Variants in IQCM observed in about 807,000 individuals in gnomAD.
The protein encoded by IQCM is IQ motif containing M, also known as IQ domain-containing protein M.
Under a neutral mutation model 57.6 loss-of-function variants are expected in IQCM, and 45 were observed. The ratio of observed to expected loss-of-function variants is 0.78; its 90% confidence interval spans 0.62 to 1.00. The LOEUF is 1.00. IQCM is among the 50% of genes least tolerant of loss of function. The pLI is 0.00. For synonymous variants in IQCM, 148 were observed against 158.9 expected (o/e 0.93, Z 0.51); for missense variants, 468 against 511.6 (o/e 0.91, Z 0.82).
intron 12 of IQCM, among the ~76,000 whole-genome samples, chr4:149,495,760 G>C (rs531042394): frequency 6.6e-6 from 1 of 152,140 alleles, no homozygotes; most frequent in South Asian, 2.1e-4. Context: ...GTAAGATAAA[G>C]GTAACTCAGT....
At chr4:149,762,927 C>T (rs1025366149) in intron 2 of IQCM, among the ~76,000 whole-genome samples, 2 of 151,898 alleles carry the variant, frequency 1.3e-5, no homozygotes, top group Non-Finnish European at 2.9e-5. Context: ...AATTTAAATA[C>T]ATATTTACAT....
intron 2 of IQCM, among the ~76,000 whole-genome samples, chr4:149,788,743 C>G (rs1213135847): frequency 1.3e-5 from 2 of 152,136 alleles, no homozygotes; most frequent in African/African-American, 4.8e-5. Flanking sequence ...AAGAATCAAC[C>G]TAAGTGTCCA....
intron 8 of IQCM, among the ~76,000 whole-genome samples, chr4:149,616,246 C>A (rs1755779902): frequency 6.6e-6 from 1 of 152,082 alleles, no homozygotes; most frequent in Non-Finnish European, 1.5e-5. Flanking sequence ...TATATACATA[C>A]AATGGAATAT....
chr4:149,771,732 C>T (rs1353672763), intron 2 of IQCM, among the ~76,000 whole-genome samples: 1 of 152,044 alleles, frequency 6.6e-6, no homozygotes, highest in Non-Finnish European at 1.5e-5. Flanking sequence ...TGTGTCTTTA[C>T]ATTCATTCAT....
chr4:149,502,719 A>C (rs1489055423), intron 12 of IQCM, among the ~76,000 whole-genome samples: 1 of 151,978 alleles, frequency 6.6e-6, no homozygotes, highest in Non-Finnish European at 1.5e-5. Flanking sequence ...AAACAAATAA[A>C]ATAGAGAGAG....
chr4:149,774,218 A>T (rs1431808408), intron 2 of IQCM, among the ~76,000 whole-genome samples: 1 of 152,174 alleles, frequency 6.6e-6, no homozygotes, highest in Admixed American at 6.5e-5. Context: ...TGGTAAAAAA[A>T]CACATAACAT....
intron 10 of IQCM, among the ~76,000 whole-genome samples, chr4:149,553,725 T>G (rs1749261688): frequency 1.3e-5 from 2 of 152,210 alleles, no homozygotes; most frequent in African/African-American, 4.8e-5. Context: ...CTTTACCTAT[T>G]TTTCCCTGGG....
At chr4:149,693,021 A>G (rs1476421557) in intron 5 of IQCM, among the ~76,000 whole-genome samples, 1 of 152,138 alleles carries the variant, frequency 6.6e-6, no homozygotes, top group Non-Finnish European at 1.5e-5. Flanking sequence ...AAAGAAAAAC[A>G]ACAACAAAAA....
intron 12 of IQCM, among the ~76,000 whole-genome samples, chr4:149,486,051 C>CTCTA (rs1283551168): frequency 2.7e-5 from 4 of 146,128 alleles, no homozygotes; most frequent in Non-Finnish European, 5.9e-5. Flanking sequence ...CTCTCTCTCT[C>CTCTA]TCTCTCTCTC....
At chr4:149,805,994 T>C (rs181520305) in intron 2 of IQCM, among the ~76,000 whole-genome samples, 1 of 152,000 alleles carries the variant, frequency 6.6e-6, no homozygotes, top group Admixed American at 6.6e-5. Flanking sequence ...TAATAAAGCT[T>C]GGAGAAATAT....
At chr4:149,531,773 G>A (rs2149853594) in intron 12 of IQCM, among the ~76,000 whole-genome samples, 1 of 152,050 alleles carries the variant, frequency 6.6e-6, no homozygotes. Flanking sequence ...CTGCATACTA[G>A]TTACCATTCT....
chr4:149,613,439 C>A (rs529314541), intron 8 of IQCM, among the ~76,000 whole-genome samples: 6 of 152,050 alleles, frequency 3.9e-5, no homozygotes, highest in African/African-American at 1.4e-4. Context: ...TTCATTTTTA[C>A]CAAAATGATT....
At chr4:149,641,769 G>A (rs953378752) in intron 7 of IQCM, among the ~76,000 whole-genome samples, 6 of 151,942 alleles carry the variant, frequency 3.9e-5, no homozygotes, top group Admixed American at 6.6e-5. Flanking sequence ...AGCTTACAAC[G>A]TGTTATATAG....
In IQCM at chr4:149,593,785, C is replaced by G. The variant is rs931763902; in HGVS notation, c.682-5788G>C. On this transcript the variant is annotated intron_variant, in intron 8 of 13. Coordinates refer to ENST00000636793, the MANE Select transcript of IQCM (RefSeq NM_001363507.2). ...TATTGACTTGCATATGTTGAACCAG[C>G]CTTGCATCCCAAGGATGAAGCCCAG... is the stretch of plus-strand genomic sequence containing the variant. Among the ~76,000 whole-genome samples the G allele has an allele frequency of 4.6e-5, 7 of 152,240 alleles. No homozygotes were observed. The South Asian group carries it at 6.2e-4, about 14-fold the overall frequency.
intron 2 of IQCM, among the ~76,000 whole-genome samples, chr4:149,766,252 T>C (rs1464421581): frequency 1.3e-5 from 2 of 152,080 alleles, no homozygotes; most frequent in Admixed American, 6.6e-5. Context: ...AAAGCAAAAC[T>C]TGGCAGCCAT....
At chr4:149,764,140 C>A (rs1769806924) in intron 2 of IQCM, among the ~76,000 whole-genome samples, 1 of 152,086 alleles carries the variant, frequency 6.6e-6, no homozygotes, top group African/African-American at 2.4e-5. Flanking sequence ...CTTGGATATG[C>A]TGAGAGATCT....
chr4:149,625,499 A>C (rs1052242040), intron 7 of IQCM, among the ~76,000 whole-genome samples: 1 of 152,252 alleles, frequency 6.6e-6, no homozygotes, highest in Non-Finnish European at 1.5e-5. Flanking sequence ...AGAAATGAAG[A>C]CACAAAGACT....
chr4:149,715,960 T>C (rs1015689366), intron 5 of IQCM, among the ~76,000 whole-genome samples: 3 of 152,196 alleles, frequency 2.0e-5, no homozygotes, highest in Non-Finnish European at 2.9e-5. Context: ...TGCTTACTGA[T>C]TGGTCTATGG....
At chr4:149,481,178 C>T (rs1379568833) in intron 12 of IQCM, among the ~76,000 whole-genome samples, 3 of 151,916 alleles carry the variant, frequency 2.0e-5, no homozygotes, top group Non-Finnish European at 2.9e-5. Context: ...GTGGATAGTT[C>T]GCAAATATTT....
Sources: gnomAD v4.1 joint callset for allele counts (sites outside exome capture counted in the v4.1 genomes callset) on GRCh38, gnomAD v4.1.1 for gene constraint, MANE v1.5 for transcripts, NCBI Gene and HGNC (gene_info 2026-07-23, HGNC 2026-07-21) for gene names.